Variants in BRD4 observed in about 807,000 individuals in gnomAD.
BRD4 encodes the protein bromodomain-containing protein 4.
BRD4 carries 16 observed loss-of-function variants against 142.1 expected under a neutral mutation model. The ratio of observed to expected loss-of-function variants is 0.11; its 90% CI spans 0.08 to 0.17. BRD4 has a LOEUF of 0.17. BRD4 is among the 10% of genes least tolerant of loss of function. BRD4 has a pLI of 1.00. For synonymous variants in BRD4, 833 were observed against 707.5 expected (o/e 1.18, Z -2.82); for missense variants, 1,424 against 1,810.9 (o/e 0.79, Z 3.88).
Position 15,291,680 on chromosome 19 carries a change from G to C in BRD4, c.-34-18547C>G, listed in dbSNP as rs2047782871. ...TGATATATAACTATTTTGAACACAG[G>C]GGCTTGTGGCTTACTTAAAACCACA... On this transcript the variant is annotated intron_variant, in intron 1 of 19. Coordinates refer to ENST00000679869, the MANE Select transcript of BRD4 (RefSeq NM_001379291.1). 5.3e-5 allele frequency among the ~76,000 whole-genome samples: 8 copies of C among 152,168 alleles called. No individual in the cohort carries two copies. In the South Asian group the frequency reaches 1.5e-3, roughly 28 times the overall value.
intron 1 of BRD4, among the ~76,000 whole-genome samples, chr19:15,318,321 C>T (rs1332920376): frequency 6.6e-6 from 1 of 152,164 alleles, no homozygotes; most frequent in Admixed American, 6.6e-5. Flanking sequence ...GTAATAGGTG[C>T]TATTCTTAGA....
intron 14 of BRD4, among the ~76,000 whole-genome samples, chr19:15,240,926 T>C (rs2047233253): frequency 6.6e-6 from 1 of 152,218 alleles, no homozygotes; most frequent in Admixed American, 6.5e-5. Context: ...GCCCATCTCC[T>C]TCCACTGTCT....
At chr19:15,291,956 G>A (rs2047785093) in intron 1 of BRD4, among the ~76,000 whole-genome samples, 1 of 152,184 alleles carries the variant, frequency 6.6e-6, no homozygotes, top group Admixed American at 6.5e-5. Flanking sequence ...TATGATGTCA[G>A]CAATCCTTAG....
chr19:15,275,545 T>A (rs886114399), intron 1 of BRD4: 3 of 152,232 alleles, frequency 2.0e-5, no homozygotes, highest in African/African-American at 7.2e-5. Flanking sequence ...CAGATGGTCG[T>A]GACACAGTGG....
chr19:15,325,716 A>G (rs1176044433), intron 1 of BRD4, among the ~76,000 whole-genome samples: 1 of 152,034 alleles, frequency 6.6e-6, no homozygotes, highest in African/African-American at 2.4e-5. Context: ...AAAAGAGAAA[A>G]CACCAGATGA....
At chr19:15,292,724 G>C (rs2047791632) in intron 1 of BRD4, among the ~76,000 whole-genome samples, 1 of 142,230 alleles carries the variant, frequency 7.0e-6, no homozygotes, top group Non-Finnish European at 1.5e-5. Context: ...CTTGCAGTGA[G>C]CTGAGATGGT....
intron 1 of BRD4, among the ~76,000 whole-genome samples, chr19:15,310,583 T>C (rs1235097867): frequency 6.6e-6 from 1 of 151,640 alleles, no homozygotes; most frequent in Non-Finnish European, 1.5e-5. Context: ...GAGGTCTCAA[T>C]CTCCTGACCT....
chr19:15,285,139 A>G (rs543946427), intron 1 of BRD4, among the ~76,000 whole-genome samples: 53 of 152,166 alleles, frequency 3.5e-4, no homozygotes, highest in African/African-American at 1.2e-3. Context: ...CCATCACACA[A>G]CCTAAGTTCA....
At position 15,265,377 on chromosome 19, in the gene BRD4, C is replaced by T. The variant is rs772107398; in HGVS notation, c.826G>A (p.Ala276Thr). 8 of 1,510,562 alleles carry T rather than the reference C, an allele frequency of 5.3e-6. No individual in the cohort carries two copies. The highest frequency in any genetic ancestry group is 4.0e-5 in the South Asian group (3 of 74,358). The allele number at this position is 1,510,562 out of a possible 1,614,324, so 93.6% of individuals were successfully genotyped here. A position where few individuals can be genotyped will look rare whatever the true frequency, so the allele number is the denominator to read the frequency against. The change falls in exon 5 of 20, where the codon GCG (alanine) becomes ACG (threonine). Residue 276 changes from alanine to threonine, a missense_variant. Physicochemically the swap from Ala to Thr is moderately conservative, Grantham distance 58. This residue lies in a region of BRD4 where 140 missense variants were observed against 131.7 expected (regional missense o/e 1.06). Coordinates refer to ENST00000679869, the MANE Select transcript of BRD4 (RefSeq NM_001379291.1). The stretch of plus-strand genomic sequence containing the variant: ...ACCTTCACAGGCTGTGGGGTGGCCG[C>T]GATGATGGGTGGGTGGCTCTGTACG... ...QPVQSHPPII[A>T]ATPQPVKTKK...
chr19:15,239,210 T>C lies in BRD4; in HGVS notation c.3631A>G (p.Thr1211Ala). 2 of 1,612,940 alleles carry C rather than the reference T, an allele frequency of 1.2e-6. No homozygotes were observed. The highest frequency in any genetic ancestry group is 1.7e-6 in the Non-Finnish European group (2 of 1,179,988). Residue 1211 changes from threonine (T) to alanine (A), a missense_variant, in exon 18 of 20, where the codon ACC becomes GCC. By Grantham distance (58) the Thr-to-Ala change is moderately conservative. Around this residue, in one of 16 missense-constraint regions of BRD4, gnomAD observed 49 missense variants for 97.3 expected, o/e 0.50. Coordinates refer to ENST00000679869, the MANE Select transcript of BRD4 (RefSeq NM_001379291.1). The surrounding 1 kb of genome is among the most constrained non-coding windows in gnomAD (Gnocchi z 7.4). ...GACTTGGCTGTGGAGGAGGGGGTGG[T>C]CGGATGCTTCTGCACTAGGCTGGCC... Reference protein sequence around the residue: ...SWASLVQKHPTTPSSTAKSSS... With the variant: ...SWASLVQKHPATPSSTAKSSS...
rs371376124 is a variant in BRD4, at chr19:15,259,181, G to A, written c.1342-2008C>T. Among the ~76,000 whole-genome samples, 58 of 152,326 alleles carry A rather than the reference G, an allele frequency of 3.8e-4. No homozygotes were observed. In the South Asian group the frequency reaches 4.6e-3, roughly 12 times the overall value. ...GCTGGGGCCACATGAGCTTCTGGAA[G>A]AGCCAGGCCTGCTGCCAAGCAGCAG... On this transcript the variant is annotated intron_variant, in intron 7 of 19. Coordinates refer to ENST00000679869, the MANE Select transcript of BRD4 (RefSeq NM_001379291.1).
chr19:15,329,069 G>A (rs1260339194), intron 1 of BRD4, among the ~76,000 whole-genome samples: 1 of 151,774 alleles, frequency 6.6e-6, no homozygotes, highest in African/African-American at 2.4e-5. Flanking sequence ...CACCACGCCC[G>A]GCGCATTCTG....
At chr19:15,269,803 T>G (rs2047568434) in intron 2 of BRD4, among the ~76,000 whole-genome samples, 1 of 152,234 alleles carries the variant, frequency 6.6e-6, no homozygotes, top group African/African-American at 2.4e-5. Context: ...AGATAACAGA[T>G]GTAAACGTCT....
intron 4 of BRD4, 95 bp from the exon 5 acceptor site, chr19:15,265,738 C>T (rs973830962): frequency 3.0e-6 from 4 of 1,330,880 alleles, no homozygotes; most frequent in African/African-American, 1.4e-5. Flanking sequence ...AGTGAACGCA[C>T]ATTCGCGTGT....
intron 1 of BRD4, among the ~76,000 whole-genome samples, chr19:15,313,183 A>G (rs1228513925): frequency 6.7e-6 from 1 of 149,686 alleles, no homozygotes; most frequent in African/African-American, 2.5e-5. Context: ...CATCCTGGCT[A>G]ACACGGTGAA....
At chr19:15,269,474 A>C (rs1366508499) in intron 2 of BRD4, among the ~76,000 whole-genome samples, 1 of 152,182 alleles carries the variant, frequency 6.6e-6, no homozygotes, top group African/African-American at 2.4e-5. Context: ...CATAAAATGC[A>C]AATTCCCCTG....
At chr19:15,247,473 G>A (rs1213875284) in intron 11 of BRD4, 17 of 232,998 alleles carry the variant, frequency 7.3e-5, no homozygotes, top group Non-Finnish European at 1.4e-4. Context: ...GAAGCCCCAC[G>A]GGCAAGAAGG....
rs758345847 is a variant in BRD4, at chr19:15,254,149, A to G, written c.2158+3T>C. ...AAGACACGTAGAACACAAGTCACCT[A>G]ACCTGTTTCGGAGTCTTCGCTGTCA... On this transcript the variant is annotated splice_donor_region_variant and intron_variant, in intron 11 of 19. Transcript: ENST00000679869. The G allele has an allele frequency of 6.2e-7, 1 of 1,612,678 alleles. No homozygotes were observed. The highest frequency in any genetic ancestry group is 1.1e-5 in the South Asian group (1 of 91,052).
chr19:15,272,267 T>C (rs373517667), intron 2 of BRD4, among the ~76,000 whole-genome samples: 28 of 152,152 alleles, frequency 1.8e-4, no homozygotes, highest in African/African-American at 6.8e-4. Flanking sequence ...CCTGTGCAGC[T>C]GCAGCCACAG....
Sources: gnomAD v4.1 joint callset for allele counts (sites outside exome capture counted in the v4.1 genomes callset) on GRCh38, gnomAD v4.1.1 for gene constraint, gnomAD v4.1.1 regional missense constraint, Gnocchi (gnomAD v3.1) non-coding constraint, MANE v1.5 for transcripts, NCBI Gene and HGNC (gene_info 2026-07-23, HGNC 2026-07-21) for gene names.